Variants in DAPK1 observed in about 807,000 individuals in gnomAD.
DAPK1 encodes death-associated protein kinase 1.
A neutral mutation model predicts 144.9 loss-of-function variants in DAPK1; 56 were observed. The ratio of observed to expected loss-of-function variants is 0.39; its 90% CI spans 0.31 to 0.48. The LOEUF (loss-of-function observed/expected upper bound fraction) is 0.48. Ranked by LOEUF, DAPK1 falls within the 20% of genes least tolerant of loss-of-function variation. The pLI is 0.95. For missense variants in DAPK1, 1,454 were observed against 1,875.4 expected (o/e 0.78, Z 4.15); for synonymous variants, 690 against 749.0 (o/e 0.92, Z 1.29).
intron 2 of DAPK1, among the ~76,000 whole-genome samples, chr9:87,556,052 T>G (rs1462315118): frequency 6.6e-6 from 1 of 152,204 alleles, no homozygotes; most frequent in African/African-American, 2.4e-5. Flanking sequence ...AATGCCACCA[T>G]GGTAATTACT....
In DAPK1 at chr9:87,640,293, A is replaced by G; in HGVS notation, c.630-5A>G. On this transcript the variant is annotated splice_region_variant and splice_polypyrimidine_tract_variant and intron_variant, in intron 7 of 25. Transcript: ENST00000408954. The stretch of plus-strand genomic sequence containing the variant: ...ATGTTCTATGCCCAACTTTATTTTT[A>G]ACAGCCTAAGTGGGGCCTCCCCATT... 6.2e-7 allele frequency: 1 copy of G among 1,611,170 alleles called. No individual in the cohort carries two copies. The highest frequency in any genetic ancestry group is 8.5e-7 in the Non-Finnish European group (1 of 1,178,816).
At chr9:87,547,832 G>T (rs1826316756) in intron 2 of DAPK1, among the ~76,000 whole-genome samples, 1 of 152,102 alleles carries the variant, frequency 6.6e-6, no homozygotes, top group African/African-American at 2.4e-5. Context: ...TAGGGAGAGT[G>T]GTTGGCTTTA....
chr9:87,631,703 C>A (rs1829697018), intron 3 of DAPK1, among the ~76,000 whole-genome samples: 1 of 152,166 alleles, frequency 6.6e-6, no homozygotes. Context: ...TTTATTGATT[C>A]CCTTGTTAAC....
intron 19 of DAPK1, among the ~76,000 whole-genome samples, chr9:87,672,034 G>A (rs1437515819): frequency 1.3e-5 from 2 of 152,146 alleles, no homozygotes; most frequent in Non-Finnish European, 2.9e-5. Context: ...CAGTGTCCCC[G>A]CTTGTCAAAT....
rs779853952 is a variant in DAPK1 at position 87,643,381 on chromosome 9, C to T, written c.924C>T (p.Ser308=). 14 of 1,516,322 alleles carry T rather than the reference C, an allele frequency of 9.2e-6. No individual in the cohort carries two copies. The highest frequency in any genetic ancestry group is 7.8e-5 in the African/African-American group (5 of 64,190). 93.9% of individuals were successfully genotyped at this position (1,516,322 alleles called of 1,614,324 possible). ...KFAARKKWKQ[S]VRLISLCQRL... is the part of the protein sequence containing the mutation. ...TTTTTTTTTTTAAAAAAAAGCAATC[C>T]GTTCGCTTGATATCACTGTGCCAAA... Residue 308 remains serine, a synonymous_variant, in exon 11 of 26, where the codon TCC becomes TCT. Transcript: ENST00000408954.
chr9:87,595,867 C>T (rs1179824684), intron 2 of DAPK1, among the ~76,000 whole-genome samples: 2 of 152,182 alleles, frequency 1.3e-5, no homozygotes, highest in Admixed American at 1.3e-4. Flanking sequence ...CTGTTGGTGC[C>T]GTGGCAACCT....
chr9:87,575,564 T>C (rs1228429484), intron 2 of DAPK1, among the ~76,000 whole-genome samples: 1 of 152,190 alleles, frequency 6.6e-6, no homozygotes, highest in East Asian at 1.9e-4. Flanking sequence ...CATGTCACTG[T>C]ACCTCCATGG....
intron 2 of DAPK1, among the ~76,000 whole-genome samples, chr9:87,573,100 T>C (rs12343373): frequency 0.28 from 42,505 of 152,130 alleles, 6,313 homozygotes; most frequent in East Asian, 0.49. Flanking sequence ...CACCCAGCCT[T>C]CTGGGGTTCA....
chr9:87,660,882 T>G (rs1265738871), intron 18 of DAPK1, among the ~76,000 whole-genome samples: 2 of 152,248 alleles, frequency 1.3e-5, no homozygotes, highest in Non-Finnish European at 2.9e-5. Flanking sequence ...AGTCTCGCTC[T>G]TCGCCAGGCT....
intron 25 of DAPK1, among the ~76,000 whole-genome samples, chr9:87,704,047 T>C (rs1439683738): frequency 6.6e-6 from 1 of 152,100 alleles, no homozygotes. Flanking sequence ...TTTGTATGAG[T>C]CATACAAATT....
chr9:87,581,592 G>A (rs554774084), intron 2 of DAPK1, among the ~76,000 whole-genome samples: 18 of 152,282 alleles, frequency 1.2e-4, no homozygotes, highest in South Asian at 4.1e-4. Context: ...GTTGTAGCTC[G>A]TTTGGGTTGT....
intron 2 of DAPK1, among the ~76,000 whole-genome samples, chr9:87,589,555 C>CTTT (rs5899007): frequency 6.7e-6 from 1 of 149,162 alleles, no homozygotes; most frequent in Admixed American, 6.7e-5. Flanking sequence ...CCATCAAGTA[C>CTTT]TTTTTTTTTT....
intron 22 of DAPK1, among the ~76,000 whole-genome samples, chr9:87,698,191 CT>C (rs1187019699): frequency 6.6e-6 from 1 of 152,108 alleles, no homozygotes; most frequent in Non-Finnish European, 1.5e-5. Context: ...AGTTTTGCCT[CT>C]TTCTTTGTCC....
intron 2 of DAPK1, chr9:87,499,351 TTATGATGCACAG>T: frequency 1.7e-6 from 1 of 575,892 alleles, no homozygotes; most frequent in South Asian, 2.2e-5. Context: ...CAGGGCTAGA[TTATGATGCACAG>T]TATATTGATC....
intron 3 of DAPK1, among the ~76,000 whole-genome samples, chr9:87,616,000 TG>T (rs1829082500): frequency 6.6e-6 from 1 of 152,228 alleles, no homozygotes; most frequent in Admixed American, 6.5e-5. Flanking sequence ...TTCTTGAGAG[TG>T]ACTTTCACAT....
intron 11 of DAPK1, among the ~76,000 whole-genome samples, chr9:87,645,415 T>TC (rs1230677418): frequency 8.5e-5 from 13 of 152,172 alleles, no homozygotes; most frequent in Admixed American, 8.5e-4. Flanking sequence ...TGGAAGAAAT[T>TC]CAAGTGATCA....
At chr9:87,505,603 G>A (rs1171944300) in intron 2 of DAPK1, among the ~76,000 whole-genome samples, 2 of 152,144 alleles carry the variant, frequency 1.3e-5, no homozygotes, top group African/African-American at 4.8e-5. Context: ...CACCATCTTG[G>A]CCAGGCTGGT....
chr9:87,683,385 G>A (rs1360827456), intron 20 of DAPK1, among the ~76,000 whole-genome samples: 3 of 152,168 alleles, frequency 2.0e-5, no homozygotes, highest in Non-Finnish European at 4.4e-5. Flanking sequence ...CTGGCCTCCA[G>A]TGTGATTTCT....
intron 19 of DAPK1, among the ~76,000 whole-genome samples, chr9:87,676,908 G>A (rs928954081): frequency 5.3e-5 from 8 of 152,196 alleles, no homozygotes; most frequent in African/African-American, 1.9e-4. Context: ...CCCTTTCAGT[G>A]TCCAGCAGTG....
Sources: gnomAD v4.1 joint callset for allele counts (sites outside exome capture counted in the v4.1 genomes callset) on GRCh38, gnomAD v4.1.1 for gene constraint, MANE v1.5 for transcripts, NCBI Gene and HGNC (gene_info 2026-07-23, HGNC 2026-07-21) for gene names.